RBL1: variants seen among roughly 807,000 people sequenced by gnomAD.
The protein encoded by RBL1 is retinoblastoma-like protein 1.
RBL1 carries 82 observed loss-of-function variants against 123.0 expected under a neutral mutation model. The observed-to-expected ratio is 0.67, with a 90% CI of 0.56 to 0.80. The LOEUF (loss-of-function observed/expected upper bound fraction) is 0.80, where lower values mean the gene tolerates loss of function less well. RBL1 is among the 30% of genes least tolerant of loss of function. RBL1 has a pLI of 0.00. For missense variants in RBL1, 1,171 were observed against 1,299.6 expected, an observed-to-expected ratio of 0.90 and a Z score of 1.52; for synonymous variants, 405 against 441.3, an observed-to-expected ratio of 0.92 and a Z score of 1.03.
chr20:37,008,292 A>G (rs2146205245), intron 19 of RBL1, among the ~76,000 whole-genome samples: 1 of 152,370 alleles, frequency 6.6e-6, no homozygotes, highest in African/African-American at 2.4e-5. Flanking sequence ...AAGGTAAAGC[A>G]TATCCTGAGA....
chr20:36,999,476 CTCTCCCTCTCCCTCTCCCCACGG>C (rs1414959057), intron 21 of RBL1, among the ~76,000 whole-genome samples: 83 of 150,478 alleles, frequency 5.5e-4, no homozygotes, highest in Non-Finnish European at 1.0e-3. Context: ...CCTCTCCCTC[CTCTCCCTCTCCCTCTCCCCACGG>C]TCTCCCTCTC....
At chr20:37,000,483 C>T (rs537423653) in intron 21 of RBL1, among the ~76,000 whole-genome samples, 27 of 144,726 alleles carry the variant, frequency 1.9e-4, no homozygotes, top group African/African-American at 3.8e-4. Flanking sequence ...TCAGCCCCCC[C>T]GCCCGGCCAG....
intron 2 of RBL1, among the ~76,000 whole-genome samples, chr20:37,076,205 A>C (rs1175010317): frequency 6.6e-6 from 1 of 152,206 alleles, no homozygotes; most frequent in African/African-American, 2.4e-5. Flanking sequence ...ATATTGCAAG[A>C]CTCAAGAGAT....
chr20:37,002,803 C>T (rs370931377), intron 21 of RBL1, among the ~76,000 whole-genome samples: 16 of 151,504 alleles, frequency 1.1e-4, no homozygotes, highest in African/African-American at 3.2e-4. Context: ...CTGCAACCTC[C>T]GCCTGCCGGG....
In RBL1 at chr20:37,040,162, G is replaced by T; in HGVS notation, c.1894C>A (p.Leu632Ile). The T allele has an allele frequency of 6.2e-7, 1 of 1,613,182 alleles. No homozygotes were observed. Among genetic ancestry groups the T allele is most frequent in the Non-Finnish European group, 8.5e-7 (1 of 1,179,726 alleles). Residue 632 changes from leucine to isoleucine, a missense_variant, in exon 14 of 22, where the codon CTT becomes ATT. Physicochemically the swap from Leu to Ile is conservative, Grantham distance 5. Coordinates refer to ENST00000373664, the MANE Select transcript of RBL1 (RefSeq NM_002895.5). The stretch of plus-strand genomic sequence containing the variant: ...CCAATGTTGAACCTACCTCTTCGAA[G>T]ACTCCCACTGTCAGTTCGAACTTCC... Reference protein sequence around the residue: ...VKEVRTDSGSLRRDMQPLSPI... With the variant: ...VKEVRTDSGSIRRDMQPLSPI...
At chr20:37,082,978 G>A (rs911701115) in intron 2 of RBL1, among the ~76,000 whole-genome samples, 3 of 152,072 alleles carry the variant, frequency 2.0e-5, no homozygotes, top group African/African-American at 7.2e-5. Context: ...CTCTAGCCTG[G>A]GCAACAGAGT....
chr20:37,037,299 A>G (rs2064632884), intron 14 of RBL1, among the ~76,000 whole-genome samples: 1 of 152,218 alleles, frequency 6.6e-6, no homozygotes, highest in African/African-American at 2.4e-5. Context: ...TGGAACAGCT[A>G]TGGTGGATGC....
chr20:37,030,874 ACAAAAAACC>A (rs2064499958), intron 16 of RBL1, among the ~76,000 whole-genome samples: 1 of 150,988 alleles, frequency 6.6e-6, no homozygotes, highest in Non-Finnish European at 1.5e-5. Flanking sequence ...AAAAACAAAA[ACAAAAAACC>A]CAAAAAACGA....
chr20:37,055,573 G>C lies in RBL1; in HGVS notation c.1447C>G (p.Leu483Val), dbSNP rs1600541797. The part of the protein sequence containing the change: ...ETVMVQETRR[L>V]HGMDMSVLLE... ...CTTACTGACATGTCCATTCCATGAA[G>C]TCTTCGTGTTTCCTGAACCATTACA... The change falls in exon 11 of 22, where the codon CTT becomes GTT. Residue 483 changes from leucine to valine, a missense_variant. By Grantham distance (32) the Leu-to-Val change is conservative. Transcript: ENST00000373664. The C allele has an allele frequency of 1.2e-6, 2 of 1,614,096 alleles. No individual in the cohort carries two copies. Among genetic ancestry groups the C allele is most frequent in the South Asian group, 2.2e-5 (2 of 91,082 alleles).
Position 36,997,231 on chromosome 20 carries a change from A to G in RBL1, c.*1528T>C, listed in dbSNP as rs1323286040. 6.6e-6 allele frequency: 1 copy of G among 152,106 alleles called. No homozygotes were observed. The highest frequency in any genetic ancestry group is 6.6e-5 in the Admixed American group (1 of 15,242). 9.4% of individuals were successfully genotyped at this position (152,106 alleles called of 1,614,324 possible). A position where few individuals can be genotyped will look rare whatever the true frequency, so the allele number is the denominator to read the frequency against. ...GTACTGAAAAGCATCCCTAGCACTG[A>G]AAAAAGCATCCCTAGTACTGAAAAG... On this transcript the variant is annotated 3_prime_UTR_variant, in exon 22 of 22. Coordinates refer to ENST00000373664, the MANE Select transcript of RBL1 (RefSeq NM_002895.5).
At chr20:37,073,925 T>C (rs1477268559) in intron 2 of RBL1, among the ~76,000 whole-genome samples, 2 of 150,416 alleles carry the variant, frequency 1.3e-5, no homozygotes, top group Admixed American at 1.3e-4. Flanking sequence ...GCTAACACAG[T>C]GAAACCCCGT....
intron 2 of RBL1, among the ~76,000 whole-genome samples, chr20:37,077,097 C>T (rs770739235): frequency 9.2e-5 from 14 of 152,096 alleles, no homozygotes; most frequent in Non-Finnish European, 1.5e-4. Context: ...CCACCAAGCT[C>T]GGCTAATTTT....
chr20:37,005,855 G>A (rs2064061210), intron 20 of RBL1, among the ~76,000 whole-genome samples: 2 of 150,174 alleles, frequency 1.3e-5, no homozygotes, highest in South Asian at 4.2e-4. Context: ...TCCGGCTGCA[G>A]CTTCTGCTAG....
chr20:37,034,167 G>A (rs2064565199), intron 15 of RBL1, among the ~76,000 whole-genome samples: 1 of 151,612 alleles, frequency 6.6e-6, no homozygotes, highest in Admixed American at 6.6e-5. Context: ...AAACTCCTGG[G>A]CTAAAGTGAT....
At chr20:37,092,961 T>C (rs2065671365) in intron 1 of RBL1, among the ~76,000 whole-genome samples, 1 of 152,172 alleles carries the variant, frequency 6.6e-6, no homozygotes, top group Non-Finnish European at 1.5e-5. Context: ...ATACAAAAAA[T>C]GTTTTCTGAT....
rs748604501 is a variant in RBL1, at chr20:37,088,995, T to C, written c.284A>G (p.Lys95Arg). 1.3e-6 allele frequency: 2 copies of C among 1,582,532 alleles called. No homozygotes were observed. The highest frequency in any genetic ancestry group is 2.3e-5 in the South Asian group (2 of 85,518). Reference sequence around the variant, plus strand: ...AAACATCAAAGAGGTTTACCTTAATTTAGCTGAACGTAGTATTCTGGTAAG... The same window carrying C: ...AAACATCAAAGAGGTTTACCTTAATCTAGCTGAACGTAGTATTCTGGTAAG... ...VSLTRILRSA[K>R]LSLIQFFSKM... Residue 95 changes from lysine to arginine, a missense_variant, in exon 2 of 22, where the codon AAA becomes AGA. Lys to Arg is a conservative substitution (Grantham distance 26, BLOSUM62 2). Transcript: ENST00000373664.
chr20:37,035,388 A>G lies in RBL1; in HGVS notation c.2024T>C (p.Ile675Thr). ...PPKEMLMDKI[I>T]TEGTKLKIAP... ...GATTTTCAATTTTGTTCCTTCTGTT[A>G]TGATCTTGTCCATAAGCATTTCCTT... is the stretch of plus-strand genomic sequence containing the variant. The change falls in exon 15 of 22, where the codon ATA (isoleucine) becomes ACA (threonine). Residue 675 changes from isoleucine (I) to threonine (T), a missense_variant. Coordinates refer to ENST00000373664, the MANE Select transcript of RBL1 (RefSeq NM_002895.5). 1 of 1,614,162 alleles carries G rather than the reference A, an allele frequency of 6.2e-7. No homozygotes were observed. Among genetic ancestry groups the G allele is most frequent in the Admixed American group, 1.7e-5 (1 of 60,020 alleles).
chr20:37,056,257 A>G lies in RBL1; in HGVS notation c.1252T>C (p.Ser418Pro). ...PSDQLINIFE[S>P]CVRNPVENIM... ...TTTTCCACAGGATTACGCACACAAG[A>G]TCTACAAAATACAAGAGGAACCAAT... Residue 418 changes from serine (S) to proline (P), a missense_variant and splice_region_variant, in exon 10 of 22, where the codon TCT (serine) becomes CCT (proline). Ser to Pro is a moderately conservative substitution (Grantham distance 74). Transcript: ENST00000373664. The G allele has an allele frequency of 6.3e-7, 1 of 1,599,766 alleles. No individual in the cohort carries two copies. Among genetic ancestry groups the G allele is most frequent in the African/African-American group, 1.3e-5 (1 of 74,374 alleles).
At chr20:37,001,933 A>C (rs1167692911) in intron 21 of RBL1, among the ~76,000 whole-genome samples, 32 of 151,108 alleles carry the variant, frequency 2.1e-4, no homozygotes, top group Non-Finnish European at 2.8e-4. Flanking sequence ...AAAAAAAAAA[A>C]AAAAAAAAAC....
Sources: allele counts gnomAD v4.1 joint callset (sites outside exome capture counted in the v4.1 genomes callset), GRCh38; gene constraint gnomAD v4.1.1; transcripts MANE v1.5; gene names NCBI Gene and HGNC (gene_info 2026-07-23, HGNC 2026-07-21).